Variants in C12orf56 observed in about 807,000 individuals in gnomAD.
C12orf56 encodes chromosome 12 open reading frame 56.
Under a neutral mutation model 69.9 loss-of-function variants are expected in C12orf56, and 71 were observed. The ratio of observed to expected loss-of-function variants is 1.02; its 90% CI spans 0.84 to 1.24. C12orf56 has a LOEUF of 1.24. Among genes scored for constraint, C12orf56 ranks in the 50% most tolerant of loss-of-function variants. The pLI is 0.00. For missense variants in C12orf56, 732 were observed against 738.5 expected (o/e 0.99, Z 0.10); for synonymous variants, 276 against 274.1 (o/e 1.01, Z -0.07).
intron 2 of C12orf56, among the ~76,000 whole-genome samples, chr12:64,341,650 G>C (rs2039076158): frequency 6.6e-6 from 1 of 152,164 alleles, no homozygotes; most frequent in Non-Finnish European, 1.5e-5. Flanking sequence ...TGGTAGTCTT[G>C]GCAGAAGCAT....
chr12:64,370,355 C>T (rs967058393), intron 1 of C12orf56, among the ~76,000 whole-genome samples: 1 of 148,160 alleles, frequency 6.7e-6, no homozygotes, highest in East Asian at 2.0e-4. Flanking sequence ...TGCGCCCCCC[C>T]AAAAAAAAAG....
chr12:64,330,860 C>T (rs753893361), intron 3 of C12orf56, 100 bp downstream of exon 3: 1 of 959,646 alleles, frequency 1.0e-6, no homozygotes, highest in African/African-American at 1.7e-5. Context: ...AGAACTCAGT[C>T]CAAAGCCATT....
Position 64,358,032 on chromosome 12 carries a change from T to C in C12orf56, c.253-4976A>G, listed in dbSNP as rs139118551. ...TTGTCACACAAACAAGGGGACATAT[T>C]TGTGTATGTAAAAGGAGGGATGATG... is the stretch of plus-strand genomic sequence containing the variant. On this transcript the variant is annotated intron_variant, in intron 1 of 12. Coordinates refer to ENST00000543942, the MANE Select transcript of C12orf56 (RefSeq NM_001170633.2). Among the ~76,000 whole-genome samples the C allele has an allele frequency of 2.7e-3, 404 of 152,340 alleles. 3 individuals carry two copies. Among genetic ancestry groups the C allele is most frequent in the African/African-American group, 9.2e-3 (382 of 41,576 alleles).
In C12orf56 at chr12:64,369,233, T is replaced by C. The variant is rs1341918930; in HGVS notation, c.253-16177A>G. On this transcript the variant is annotated intron_variant, in intron 1 of 12. Coordinates refer to ENST00000543942, the MANE Select transcript of C12orf56 (RefSeq NM_001170633.2). The stretch of plus-strand genomic sequence containing the variant: ...TTTTTTTTTAGACGGAGTTTCATTC[T>C]GTTGCCCAGGCTGGAGTGCAGTGGC... Among the ~76,000 whole-genome samples the C allele has an allele frequency of 2.0e-5, 3 of 152,114 alleles. No homozygotes were observed. In the South Asian group the frequency reaches 6.2e-4, roughly 32 times the overall value.
intron 2 of C12orf56, among the ~76,000 whole-genome samples, chr12:64,332,025 C>A (rs969819517): frequency 6.6e-6 from 1 of 152,020 alleles, no homozygotes; most frequent in Middle Eastern, 3.4e-3. Context: ...GTGCCCCTGG[C>A]CAGGTGCGGT....
intron 1 of C12orf56, among the ~76,000 whole-genome samples, chr12:64,359,269 T>C (rs2039364356): frequency 1.3e-5 from 2 of 152,190 alleles, no homozygotes; most frequent in Non-Finnish European, 2.9e-5. Context: ...TCCATGACTT[T>C]CCTCTCTTCA....
intron 5 of C12orf56, among the ~76,000 whole-genome samples, chr12:64,312,209 A>G (rs1400901278): frequency 6.6e-6 from 1 of 152,198 alleles, no homozygotes; most frequent in Non-Finnish European, 1.5e-5. Flanking sequence ...TGAGACATAC[A>G]AAAGATGTCC....
chr12:64,333,413 G>A (rs1215749491), intron 2 of C12orf56, among the ~76,000 whole-genome samples: 16 of 150,608 alleles, frequency 1.1e-4, no homozygotes, highest in South Asian at 4.2e-4. Flanking sequence ...TTTTTTGTGC[G>A]AAGTCATTAA....
At chr12:64,353,656 C>T (rs1455144691) in intron 1 of C12orf56, among the ~76,000 whole-genome samples, 1 of 152,146 alleles carries the variant, frequency 6.6e-6, no homozygotes, top group Non-Finnish European at 1.5e-5. Flanking sequence ...TGTTAAAGTA[C>T]ATCCCTCTCC....
chr12:64,284,217 C>A (rs964752297), intron 8 of C12orf56, among the ~76,000 whole-genome samples: 5 of 152,026 alleles, frequency 3.3e-5, no homozygotes. Context: ...TTTATTACAG[C>A]AGCTCACCCT....
intron 11 of C12orf56, among the ~76,000 whole-genome samples, chr12:64,271,360 G>A (rs983210123): frequency 1.3e-5 from 2 of 152,008 alleles, no homozygotes; most frequent in Non-Finnish European, 2.9e-5. Flanking sequence ...AGCTACTTGG[G>A]AGGCTGAGGC....
intron 8 of C12orf56, among the ~76,000 whole-genome samples, chr12:64,279,319 T>C (rs557603678): frequency 6.6e-6 from 1 of 152,326 alleles, no homozygotes; most frequent in South Asian, 2.1e-4. Flanking sequence ...AAATGTTACA[T>C]GTGCATCCTG....
chr12:64,341,873 G>A (rs1406066670), intron 2 of C12orf56, among the ~76,000 whole-genome samples: 1 of 152,142 alleles, frequency 6.6e-6, no homozygotes, highest in African/African-American at 2.4e-5. Context: ...AGCCAGATCA[G>A]CTTTGGTGAG....
intron 4 of C12orf56, among the ~76,000 whole-genome samples, chr12:64,313,573 T>C (rs1422985934): frequency 1.3e-5 from 2 of 151,582 alleles, no homozygotes; most frequent in African/African-American, 4.8e-5. Context: ...ATCTATCGTC[T>C]GTTTGGTTTA....
At chr12:64,324,157 G>A (rs2038808461) in intron 3 of C12orf56, among the ~76,000 whole-genome samples, 1 of 152,170 alleles carries the variant, frequency 6.6e-6, no homozygotes, top group South Asian at 2.1e-4. Context: ...TATTATGCAA[G>A]CCAGGCTAGG....
intron 1 of C12orf56, among the ~76,000 whole-genome samples, chr12:64,357,957 AC>A (rs1223049220): frequency 6.6e-6 from 1 of 152,096 alleles, no homozygotes; most frequent in African/African-American, 2.4e-5. Flanking sequence ...ACTTCTACAT[AC>A]CCTACAAAGC....
intron 1 of C12orf56, among the ~76,000 whole-genome samples, chr12:64,371,013 C>T (rs903109520): frequency 7.2e-5 from 11 of 152,054 alleles, no homozygotes; most frequent in Admixed American, 5.9e-4. Context: ...AAAACAAAAA[C>T]AAAAGAATAG....
chr12:64,338,929 G>C (rs1407839964), intron 2 of C12orf56: 1 of 519,484 alleles, frequency 1.9e-6, no homozygotes, highest in African/African-American at 1.9e-5. Flanking sequence ...TATCAATAGA[G>C]GTGAGGCATG....
At chr12:64,312,285 A>G (rs2136824612) in intron 5 of C12orf56, among the ~76,000 whole-genome samples, 1 of 152,338 alleles carries the variant, frequency 6.6e-6, no homozygotes, top group South Asian at 2.1e-4. Context: ...TATAACTGTG[A>G]TAGCCACACA....
Sources: allele counts gnomAD v4.1 joint callset (sites outside exome capture counted in the v4.1 genomes callset), GRCh38; gene constraint gnomAD v4.1.1; transcripts MANE v1.5; gene names NCBI Gene and HGNC (gene_info 2026-07-23, HGNC 2026-07-21).